The following SDK1 variants were observed in gnomAD, a reference collection of about 807,000 sequenced individuals.
SDK1 encodes protein sidekick-1.
SDK1 carries 157 observed loss-of-function variants against 245.5 expected under a neutral mutation model. That is an observed-to-expected ratio of 0.64 (90% CI 0.56 to 0.73). The LOEUF (loss-of-function observed/expected upper bound fraction) is 0.73. Among genes scored for constraint, SDK1 ranks in the 30% least tolerant of loss-of-function variants. The pLI is 0.00. For synonymous variants in SDK1, 1,647 were observed against 1,278.5 expected, an observed-to-expected ratio of 1.29 and a Z score of -6.15; for missense variants, 3,583 against 3,002.3, an observed-to-expected ratio of 1.19 and a Z score of -4.52.
chr7:4,065,746 TA>T (rs1451912927), intron 19 of SDK1, among the ~76,000 whole-genome samples: 1 of 136,596 alleles, frequency 7.3e-6, no homozygotes, highest in Admixed American at 7.9e-5. Flanking sequence ...GTTACCATTT[TA>T]AAAAAATTAC....
intron 1 of SDK1, among the ~76,000 whole-genome samples, chr7:3,598,193 T>G (rs1277889189): frequency 2.0e-5 from 3 of 152,176 alleles, no homozygotes; most frequent in African/African-American, 7.2e-5. Context: ...TTGTAGATCT[T>G]CCTTTAGGAA....
intron 1 of SDK1, among the ~76,000 whole-genome samples, chr7:3,596,410 C>T (rs1348832771): frequency 6.6e-6 from 1 of 152,146 alleles, no homozygotes; most frequent in African/African-American, 2.4e-5. Context: ...AAGTGTGTCT[C>T]CATTTCTGTA....
In SDK1 at chr7:4,057,781, C is replaced by G. The variant is rs57432266; in HGVS notation, c.2911+5951C>G. 4.8e-3 allele frequency among the ~76,000 whole-genome samples: 732 copies of G among 152,338 alleles called. 6 individuals carry two copies. The highest frequency in any genetic ancestry group is 0.017 in the African/African-American group (697 of 41,578). On this transcript the variant is annotated intron_variant, in intron 19 of 44. Coordinates refer to ENST00000404826, the MANE Select transcript of SDK1 (RefSeq NM_152744.4). ...CCACACCCTAAGCCGCTGAGGAAAT[C>G]ACAGACACCACTGATGCTGTTTACA...
At chr7:3,853,210 C>G (rs1489499857) in intron 5 of SDK1, among the ~76,000 whole-genome samples, 1 of 152,034 alleles carries the variant, frequency 6.6e-6, no homozygotes, top group Admixed American at 6.6e-5. Context: ...CATTGACTTT[C>G]CATTGCAAAG....
At chr7:4,225,890 A>C (rs1785414704) in intron 40 of SDK1, among the ~76,000 whole-genome samples, 1 of 152,114 alleles carries the variant, frequency 6.6e-6, no homozygotes. Context: ...AACATTCAAA[A>C]GCAGGTCGCC....
chr7:3,592,658 A>G (rs1234581757), intron 1 of SDK1, among the ~76,000 whole-genome samples: 1 of 152,042 alleles, frequency 6.6e-6, no homozygotes, highest in African/African-American at 2.4e-5. Flanking sequence ...ATTCGTTTCC[A>G]TGCCTTTGTA....
intron 1 of SDK1, among the ~76,000 whole-genome samples, chr7:3,320,792 T>A (rs1583678883): frequency 6.6e-6 from 1 of 152,220 alleles, no homozygotes; most frequent in East Asian, 1.9e-4. Flanking sequence ...GAGACCAAAC[T>A]TTATAATATA....
chr7:3,748,339 T>C (rs558455864), intron 4 of SDK1, among the ~76,000 whole-genome samples: 1 of 152,334 alleles, frequency 6.6e-6, no homozygotes, highest in South Asian at 2.1e-4. Context: ...TGTTACTGTT[T>C]ACTTAGAAAA....
Position 4,023,291 on chromosome 7 carries a change from C to T in SDK1, c.2602+5939C>T, listed in dbSNP as rs73040471. On this transcript the variant is annotated intron_variant, in intron 17 of 44. Coordinates refer to ENST00000404826, the MANE Select transcript of SDK1 (RefSeq NM_152744.4). ...AATCCCATTTAATAGATTTTATTAACGGTGACTCCATGACCTTTTCAGCTC... is the reference window on the plus strand; with the variant it reads ...AATCCCATTTAATAGATTTTATTAATGGTGACTCCATGACCTTTTCAGCTC... Among the ~76,000 whole-genome samples, 648 of 152,218 alleles carry T rather than the reference C, an allele frequency of 4.3e-3. 6 individuals are homozygous for T. Among genetic ancestry groups the T allele is most frequent in the Non-Finnish European group, 7.6e-3 (519 of 68,020 alleles).
At chr7:3,346,552 C>A (rs1439906498) in intron 1 of SDK1, among the ~76,000 whole-genome samples, 1 of 151,340 alleles carries the variant, frequency 6.6e-6, no homozygotes, top group Non-Finnish European at 1.5e-5. Context: ...CTCACTCTGT[C>A]ACCCAGGCTG....
intron 4 of SDK1, among the ~76,000 whole-genome samples, chr7:3,742,374 G>T (rs974923575): frequency 1.3e-4 from 20 of 152,166 alleles, no homozygotes; most frequent in African/African-American, 4.6e-4. Flanking sequence ...CCTTGTGAAC[G>T]TGTTCCTCCC....
At chr7:3,860,000 A>C (rs917684038) in intron 5 of SDK1, among the ~76,000 whole-genome samples, 6 of 151,814 alleles carry the variant, frequency 4.0e-5, no homozygotes, top group African/African-American at 1.5e-4. Context: ...GCTCACTGCA[A>C]GCTCCACCTC....
intron 1 of SDK1, among the ~76,000 whole-genome samples, chr7:3,471,870 G>C (rs1431061389): frequency 6.6e-6 from 1 of 152,156 alleles, no homozygotes; most frequent in Admixed American, 6.5e-5. Flanking sequence ...AATGTTCTCT[G>C]AAACAAATAT....
At chr7:3,874,155 G>C (rs1781019713) in intron 5 of SDK1, among the ~76,000 whole-genome samples, 1 of 152,142 alleles carries the variant, frequency 6.6e-6, no homozygotes, top group African/African-American at 2.4e-5. Context: ...TCAGAGATTT[G>C]GCTAGGTTTA....
At chr7:3,953,651 C>G (rs1480800227) in intron 7 of SDK1, among the ~76,000 whole-genome samples, 1 of 152,210 alleles carries the variant, frequency 6.6e-6, no homozygotes, top group Non-Finnish European at 1.5e-5. Flanking sequence ...ATTTATCTCC[C>G]TTTAAACGAG....
Position 4,077,075 on chromosome 7 carries a change from T to G in SDK1, c.3088T>G (p.Tyr1030Asp), listed in dbSNP as rs757938795. ...CACCCTGAACAGCACGACGCACGAG[T>G]ACAAGATCCAAGGCCTCTCATCTCT... is the stretch of plus-strand genomic sequence containing the variant. ...THTLNSTTHE[Y>D]KIQGLSSLTT... The change falls in exon 21 of 45, where the codon TAC (tyrosine) becomes GAC (aspartate). Residue 1030 changes from tyrosine (Y) to aspartate (D), a missense_variant. Tyr to Asp is a radical substitution (Grantham distance 160, BLOSUM62 -3). Coordinates refer to ENST00000404826, the MANE Select transcript of SDK1 (RefSeq NM_152744.4). 16 of 1,614,060 alleles carry G rather than the reference T, an allele frequency of 9.9e-6. No homozygotes were observed. The East Asian group carries it at 3.6e-4, about 36-fold the overall frequency.
intron 4 of SDK1, among the ~76,000 whole-genome samples, chr7:3,733,739 A>T (rs1779243149): frequency 1.3e-5 from 2 of 152,218 alleles, no homozygotes; most frequent in Non-Finnish European, 2.9e-5. Context: ...AGGAAACTGG[A>T]CGTTGCTTCT....
chr7:3,748,643 T>C (rs1779691674), intron 4 of SDK1, among the ~76,000 whole-genome samples: 2 of 152,234 alleles, frequency 1.3e-5, no homozygotes, highest in African/African-American at 2.4e-5. Flanking sequence ...CTAATACATG[T>C]TCAGTTTCCT....
intron 1 of SDK1, among the ~76,000 whole-genome samples, chr7:3,488,943 C>G (rs1435601909): frequency 6.6e-6 from 1 of 151,264 alleles, no homozygotes; most frequent in Non-Finnish European, 1.5e-5. Context: ...GTGTCATTCA[C>G]AGAAGTTTCT....
Sources: allele counts gnomAD v4.1 joint callset (sites outside exome capture counted in the v4.1 genomes callset), GRCh38; gene constraint gnomAD v4.1.1; transcripts MANE v1.5; gene names NCBI Gene and HGNC (gene_info 2026-07-23, HGNC 2026-07-21).